The following SOX5 variants were observed in gnomAD, a reference collection of about 807,000 sequenced individuals.
SOX5 encodes the protein transcription factor SOX-5.
In SOX5, 9 loss-of-function variants were observed where a neutral mutation model predicts 92.0. That is an observed-to-expected ratio of 0.10 (90% CI 0.06 to 0.17). SOX5 has a LOEUF of 0.17. Among genes scored for constraint, SOX5 ranks in the 10% least tolerant of loss-of-function variants. The probability of loss-of-function intolerance (pLI) is 1.00; values close to 1 mark genes in which losing one functional copy is unlikely to be tolerated. For missense variants in SOX5, 642 were observed against 944.5 expected (o/e 0.68, Z 4.20); for synonymous variants, 344 against 336.3 (o/e 1.02, Z -0.25).
At chr12:23,874,282 A>C (rs547541537) in intron 2 of SOX5, among the ~76,000 whole-genome samples, 16 of 152,300 alleles carry the variant, frequency 1.1e-4, no homozygotes, top group African/African-American at 3.6e-4. Context: ...ATTTATGCCT[A>C]ATAAATTGGC....
At chr12:24,367,499 A>T (rs902122470) in intron 2 of SOX5, among the ~76,000 whole-genome samples, 1 of 152,190 alleles carries the variant, frequency 6.6e-6, no homozygotes, top group African/African-American at 2.4e-5. Context: ...CATATTTATA[A>T]CTCTGATGAA....
At chr12:24,290,639 C>T (rs973542165) in intron 2 of SOX5, among the ~76,000 whole-genome samples, 3 of 152,138 alleles carry the variant, frequency 2.0e-5, no homozygotes, top group Non-Finnish European at 4.4e-5. Context: ...CTCCCCACCA[C>T]CCCCCTCTCC....
At chr12:23,540,715 A>T (rs1941833200) in intron 13 of SOX5, among the ~76,000 whole-genome samples, 1 of 152,200 alleles carries the variant, frequency 6.6e-6, no homozygotes, top group Non-Finnish European at 1.5e-5. Flanking sequence ...ATTTCAGCAG[A>T]ATGGCTTATT....
At chr12:24,266,734 C>CA (rs1166369514) in intron 3 of SOX5, among the ~76,000 whole-genome samples, 1 of 152,112 alleles carries the variant, frequency 6.6e-6, no homozygotes, top group African/African-American at 2.4e-5. Context: ...CCAGTTTTAA[C>CA]AAAAATGGCA....
At chr12:24,458,146 G>A (rs569821765) in intron 1 of SOX5, among the ~76,000 whole-genome samples, 3 of 152,112 alleles carry the variant, frequency 2.0e-5, no homozygotes, top group South Asian at 4.1e-4. Flanking sequence ...CTGGGATGGC[G>A]CCTCAGTGTC....
chr12:23,598,032 G>A (rs79674177), intron 9 of SOX5, among the ~76,000 whole-genome samples: 2,050 of 152,186 alleles, frequency 0.013, 53 homozygotes, highest in African/African-American at 0.046. Context: ...GATAAATGGC[G>A]GCTCCTCTTT....
At chr12:24,436,969 C>A (rs1305991109) in intron 1 of SOX5, among the ~76,000 whole-genome samples, 1 of 152,178 alleles carries the variant, frequency 6.6e-6, no homozygotes, top group Non-Finnish European at 1.5e-5. Flanking sequence ...CATCTTTTTA[C>A]AACGTGGCTT....
intron 8 of SOX5, among the ~76,000 whole-genome samples, chr12:23,606,259 T>G (rs1020251421): frequency 6.6e-6 from 1 of 151,862 alleles, no homozygotes; most frequent in Non-Finnish European, 1.5e-5. Context: ...TGTACTAATA[T>G]TGAATTTAAA....
intron 1 of SOX5, among the ~76,000 whole-genome samples, chr12:24,502,741 G>A (rs1043708084): frequency 6.6e-6 from 1 of 152,134 alleles, no homozygotes; most frequent in Non-Finnish European, 1.5e-5. Flanking sequence ...AATTTACGGT[G>A]GGGAAATGCA....
At chr12:24,143,590 A>T (rs1950784109) in intron 4 of SOX5, among the ~76,000 whole-genome samples, 1 of 152,196 alleles carries the variant, frequency 6.6e-6, no homozygotes, top group African/African-American at 2.4e-5. Context: ...AATGCACTGG[A>T]TGGGATTTAT....
At chr12:23,607,042 C>G (rs1231862589) in intron 8 of SOX5, among the ~76,000 whole-genome samples, 2 of 152,134 alleles carry the variant, frequency 1.3e-5, no homozygotes, top group Non-Finnish European at 2.9e-5. Context: ...GGTTGCTCTT[C>G]TCTCCCCCAA....
intron 1 of SOX5, among the ~76,000 whole-genome samples, chr12:24,492,994 T>C (rs760124984): frequency 3.9e-5 from 6 of 152,202 alleles, no homozygotes; most frequent in Non-Finnish European, 8.8e-5. Context: ...TAATATAACC[T>C]GGTCTTTCCC....
In SOX5 at chr12:23,970,841, A is replaced by ATATATATATTTTTTTTTTTTT; in HGVS notation, c.-1-74818_-1-74817insAAAAAAAAAAAAATATATATA. Among the ~76,000 whole-genome samples the ATATATATATTTTTTTTTTTTT allele has an allele frequency of 1.3e-3, 29 of 21,884 alleles. 6 individuals carry two copies. Among genetic ancestry groups the ATATATATATTTTTTTTTTTTT allele is most frequent in the Admixed American group, 2.3e-3 (3 of 1,292 alleles). 14.4% of individuals were successfully genotyped at this position (21,884 alleles called of 152,430 possible). A position where few individuals can be genotyped will look rare whatever the true frequency, so the allele number is the denominator to read the frequency against. On this transcript the variant is annotated intron_variant, in intron 4 of 4. Transcript: ENST00000446891. ...ACATGGGACTTTATATATATATATA[A>ATATATATATTTTTTTTTTTTT]TTTTTTTTTTTTTTTAAGAAATGGG...
rs371480644 is a variant in SOX5 at position 23,600,522 on chromosome 12, CATATATATATATAT to C, written c.1164+3851_1164+3864del. Among the ~76,000 whole-genome samples, 214 of 39,812 alleles carry C rather than the reference CATATATATATATAT, an allele frequency of 5.4e-3. 10 individuals are homozygous for C. Among genetic ancestry groups the C allele is most frequent in the African/African-American group, 0.015 (160 of 10,688 alleles). 26.1% of individuals were successfully genotyped at this position (39,812 alleles called of 152,430 possible). A position where few individuals can be genotyped will look rare whatever the true frequency, so the allele number is the denominator to read the frequency against. ...AAGATAGACCATGGCGGGGGGGGTG[CATATATATATATAT>C]ATATATATATATATATACACATACT... On this transcript the variant is annotated intron_variant, in intron 9 of 14. Transcript: ENST00000451604.
intron 2 of SOX5, among the ~76,000 whole-genome samples, chr12:24,297,266 G>A (rs190255131): frequency 3.3e-4 from 51 of 152,300 alleles, no homozygotes; most frequent in Admixed American, 2.4e-3. Context: ...ACAGAGCACA[G>A]CACTTATGGG....
intron 4 of SOX5, among the ~76,000 whole-genome samples, chr12:24,056,142 T>TA (rs1046009117): frequency 6.6e-6 from 1 of 152,106 alleles, no homozygotes; most frequent in African/African-American, 2.4e-5. Flanking sequence ...TATTTGTCAT[T>TA]AAAAAAATAC....
At chr12:24,219,635 A>G (rs1959916268) in intron 3 of SOX5, among the ~76,000 whole-genome samples, 1 of 152,150 alleles carries the variant, frequency 6.6e-6, no homozygotes, top group African/African-American at 2.4e-5. Flanking sequence ...AAACAGCCTC[A>G]ATTCCAGTTA....
intron 1 of SOX5, among the ~76,000 whole-genome samples, chr12:24,407,783 G>T (rs1258046317): frequency 1.3e-5 from 2 of 152,166 alleles, no homozygotes; most frequent in Non-Finnish European, 2.9e-5. Context: ...TGGAAATAGA[G>T]TGAATTTGCC....
rs1309427474 is a variant in SOX5, at chr12:23,534,271, T to C, written c.2240A>G (p.Asp747Gly). The part of the protein sequence containing the change: ...DEYDEEEDDP[D>G]VDYGSDSENH... The stretch of plus-strand genomic sequence containing the variant: ...TTCACTGTCACTCCCATAATCTACA[T>C]CTGGATCATCCTCTTCCTCGTCGTA... The change falls in exon 15 of 15, where the codon GAT (aspartate) becomes GGT (glycine). Residue 747 changes from aspartate to glycine, a missense_variant. This residue lies in a region of SOX5 where 130 missense variants were observed against 140.6 expected (regional missense o/e 0.92). Coordinates refer to ENST00000451604, the MANE Select transcript of SOX5 (RefSeq NM_006940.6). 6.2e-7 allele frequency: 1 copy of C among 1,614,154 alleles called. No individual in the cohort carries two copies.
Sources: allele counts gnomAD v4.1 joint callset (sites outside exome capture counted in the v4.1 genomes callset), GRCh38; gene constraint gnomAD v4.1.1; regional missense constraint gnomAD v4.1.1; transcripts MANE v1.5; gene names NCBI Gene and HGNC (gene_info 2026-07-23, HGNC 2026-07-21).